KRT7: variants seen among roughly 807,000 people sequenced by gnomAD.
KRT7 encodes the protein keratin, type II cytoskeletal 7.
In KRT7, 50 loss-of-function variants were observed where a neutral mutation model predicts 42.8. The observed-to-expected ratio is 1.17, with a 90% CI of 0.93 to 1.48. The LOEUF (loss-of-function observed/expected upper bound fraction) is 1.48, where lower values mean the gene tolerates loss of function less well. Ranked by LOEUF, KRT7 falls within the 40% of genes most tolerant of loss-of-function variation. The pLI is 0.00. For missense variants in KRT7, 588 were observed against 637.6 expected (o/e 0.92, Z 0.84); for synonymous variants, 268 against 266.3 (o/e 1.01, Z -0.06).
chr12:52,234,823 T>C (rs1217271132), intron 1 of KRT7, among the ~76,000 whole-genome samples: 1 of 152,174 alleles, frequency 6.6e-6, no homozygotes, highest in African/African-American at 2.4e-5. Flanking sequence ...GTCATCCTCA[T>C]GATCCATTGA....
At chr12:52,234,121 C>CGGGGGGGGGGG (rs1299477013) in intron 1 of KRT7, among the ~76,000 whole-genome samples, 2 of 2,990 alleles carry the variant, frequency 6.7e-4, no homozygotes, top group Admixed American at 3.3e-3. Context: ...GTCGGTGGGG[C>CGGGGGGGGGGG]GGGGGAGGGG....
At chr12:52,252,400 C>T (rs201771630), downstream of KRT7, 54 of 1,614,138 alleles carry the variant, frequency 3.3e-5, no homozygotes, top group Middle Eastern at 1.7e-4. Context: ...CCCTCCAGCT[C>T]GGCCAGCTTG....
intron 6 of KRT7, 123 bp downstream of exon 6, chr12:52,243,260 C>T (rs1942120216): frequency 8.6e-7 from 1 of 1,164,732 alleles, no homozygotes; most frequent in Admixed American, 2.7e-5. Context: ...GCCACTGTCT[C>T]AGACCCCCTT....
At chr12:52,235,082 TG>T in intron 1 of KRT7, 72 bp from the exon 2 acceptor site, 1 of 1,425,232 alleles carries the variant, frequency 7.0e-7, no homozygotes, top group East Asian at 2.3e-5. Context: ...TGGCTAAAGA[TG>T]ATGTTCCTCA....
Position 52,238,722 on chromosome 12 carries a change from A to G in KRT7, c.640A>G (p.Lys214Glu). 6.2e-7 allele frequency: 1 copy of G among 1,614,120 alleles called. No individual in the cohort carries two copies. Among genetic ancestry groups the G allele is most frequent in the Non-Finnish European group, 8.5e-7 (1 of 1,179,950 alleles). Residue 214 changes from lysine (K) to glutamate (E), a missense_variant, in exon 4 of 9, where the codon AAG (lysine) becomes GAG (glutamate). Transcript: ENST00000331817. Reference protein sequence around the residue: ...AYMSKVELEAKVDALNDEINF... With the variant: ...AYMSKVELEAEVDALNDEINF... The stretch of plus-strand genomic sequence containing the variant: ...CATGAGCAAGGTGGAGCTGGAGGCC[A>G]AGGTGGATGCCCTGAATGATGAGAT...
At chr12:52,250,593 G>A (rs1018824766), downstream of KRT7, 16 of 1,250,078 alleles carry the variant, frequency 1.3e-5, no homozygotes, top group South Asian at 1.7e-4. Flanking sequence ...CCGGGAGCCC[G>A]ACACGCACAG....
chr12:52,248,142 AAG>A lies in KRT7; in HGVS notation c.1206-32_1206-31del, dbSNP rs570731537. The A allele has an allele frequency of 2.9e-4, 474 of 1,611,364 alleles. 1 individual carries two copies. In the Middle Eastern group the frequency reaches 4.3e-3, roughly 15 times the overall value. On this transcript the variant is annotated intron_variant, in intron 7 of 8. Coordinates refer to ENST00000331817, the MANE Select transcript of KRT7 (RefSeq NM_005556.4). Reference sequence around the variant, plus strand: ...AGAGCGCTTCCCTCCCACGCTAGGAAAGAGCCGTCCTCACTGTCTGTCCTCTG... The same window carrying A: ...AGAGCGCTTCCCTCCCACGCTAGGAAAGCCGTCCTCACTGTCTGTCCTCTG...
downstream of KRT7, chr12:52,251,787 C>G (rs1173111319): frequency 3.2e-4 from 114 of 357,474 alleles, no homozygotes; most frequent in South Asian, 2.3e-3. Flanking sequence ...AGTCTGCAAA[C>G]TACGGCCACA....
intron 7 of KRT7, chr12:52,247,557 G>A (rs1217059777): frequency 2.0e-5 from 3 of 153,010 alleles, no homozygotes; most frequent in African/African-American, 4.8e-5. Context: ...AACAAACATA[G>A]CCAGCTGTCC....
At chr12:52,254,159 G>C, downstream of KRT7, 1 of 483,488 alleles carries the variant, frequency 2.1e-6, no homozygotes, top group Non-Finnish European at 4.0e-6. Flanking sequence ...GAACCTGCCT[G>C]GGGTTTCTCC....
Position 52,248,221 on chromosome 12 carries a change from T to C in KRT7, c.1240+10T>C. Reference sequence around the variant, plus strand: ...GGAGCCGTGAATATCTGTAAGTCCTTGGCTGCGGCCCATGGGAAGCATCCC... The same window carrying C: ...GGAGCCGTGAATATCTGTAAGTCCTCGGCTGCGGCCCATGGGAAGCATCCC... On this transcript the variant is annotated intron_variant, in intron 8 of 8. Transcript: ENST00000331817. The C allele has an allele frequency of 6.2e-7, 1 of 1,613,970 alleles. No individual in the cohort carries two copies. Among genetic ancestry groups the C allele is most frequent in the Non-Finnish European group, 8.5e-7 (1 of 1,179,890 alleles).
chr12:52,253,338 A>T (rs763770718), downstream of KRT7: 2 of 1,612,574 alleles, frequency 1.2e-6, no homozygotes, highest in Non-Finnish European at 1.7e-6. Context: ...ATCTCCTCAC[A>T]CTGGGGAAGT....
intron 6 of KRT7, 32 bp downstream of exon 6, chr12:52,243,169 C>T (rs780973005): frequency 1.3e-6 from 2 of 1,595,548 alleles, no homozygotes; most frequent in Non-Finnish European, 1.7e-6. Flanking sequence ...TCCCCTGCTA[C>T]TTGGGGCATG....
intron 7 of KRT7, 34 bp downstream of exon 7, chr12:52,245,666 T>G: frequency 1.2e-6 from 2 of 1,611,560 alleles, no homozygotes; most frequent in Non-Finnish European, 1.7e-6. Context: ...GGGATGCTTC[T>G]AGGGCTCCGT....
chr12:52,235,689 C>A (rs1226533823), intron 2 of KRT7, among the ~76,000 whole-genome samples: 2 of 152,188 alleles, frequency 1.3e-5, no homozygotes, highest in African/African-American at 4.8e-5. Flanking sequence ...TGTCTTCTGA[C>A]AGGGGTGCTT....
At position 52,241,453 on chromosome 12, in the gene KRT7, T is replaced by A. The variant is rs1942087416; in HGVS notation, c.694-19T>A. The A allele has an allele frequency of 6.3e-7, 1 of 1,590,320 alleles. No individual in the cohort carries two copies. ...TAGGATCCTGCCCTAAGTCCTGATGTCCCGTCTGGTCCCTACAGGAGTTGA... is the reference window on the plus strand; with the variant it reads ...TAGGATCCTGCCCTAAGTCCTGATGACCCGTCTGGTCCCTACAGGAGTTGA... On this transcript the variant is annotated intron_variant, in intron 4 of 8. Coordinates refer to ENST00000331817, the MANE Select transcript of KRT7 (RefSeq NM_005556.4).
In KRT7 at chr12:52,237,531, C is replaced by T. The variant is rs761499484; in HGVS notation, c.559C>T (p.Arg187Cys). Residue 187 changes from arginine (R) to cysteine (C), a missense_variant, in exon 3 of 9, where the codon CGC becomes TGC. Coordinates refer to ENST00000331817, the MANE Select transcript of KRT7 (RefSeq NM_005556.4). ...TAGGTACGAAGATGAAATTAACCAC[C>T]GCACAGCTGCTGAGAATGAGTTTGT... ...KNKYEDEINH[R>C]TAAENEFVVL... The T allele has an allele frequency of 3.4e-5, 55 of 1,611,930 alleles. No individual in the cohort carries two copies. The highest frequency in any genetic ancestry group is 5.3e-5 in the African/African-American group (4 of 74,806).
At chr12:52,241,699 C>T in intron 5 of KRT7, 63 bp downstream of exon 5, 1 of 1,451,034 alleles carries the variant, frequency 6.9e-7, no homozygotes, top group Non-Finnish European at 9.4e-7. Flanking sequence ...TTCCCTTACT[C>T]CTCAACTTGT....
chr12:52,254,143 C>T (rs1592402256), downstream of KRT7: 1 of 452,926 alleles, frequency 2.2e-6, no homozygotes, highest in East Asian at 5.5e-5. Flanking sequence ...TTCACCTGCT[C>T]ATGGTGAACC....
Sources: gnomAD v4.1 joint callset for allele counts (sites outside exome capture counted in the v4.1 genomes callset) on GRCh38, gnomAD v4.1.1 for gene constraint, MANE v1.5 for transcripts, NCBI Gene and HGNC (gene_info 2026-07-23, HGNC 2026-07-21) for gene names.